SBF2: variants seen among roughly 807,000 people sequenced by gnomAD.
The protein encoded by SBF2 is myotubularin-related protein 13.
A neutral mutation model predicts 225.2 loss-of-function variants in SBF2; 112 were observed. The ratio of observed to expected loss-of-function variants is 0.50; its 90% CI spans 0.43 to 0.58. The LOEUF (loss-of-function observed/expected upper bound fraction) is 0.58, where lower values mean the gene tolerates loss of function less well. Ranked by LOEUF, SBF2 falls within the 20% of genes least tolerant of loss-of-function variation. SBF2 has a pLI of 0.00. For missense variants in SBF2, 1,996 were observed against 2,206.2 expected, an observed-to-expected ratio of 0.90 and a Z score of 1.91; for synonymous variants, 763 against 773.3, an observed-to-expected ratio of 0.99 and a Z score of 0.22.
intron 2 of SBF2, among the ~76,000 whole-genome samples, chr11:10,073,686 C>A (rs1478608976): frequency 6.6e-6 from 1 of 152,114 alleles, no homozygotes; most frequent in Non-Finnish European, 1.5e-5. Context: ...GATCGCACTA[C>A]TGCACTCTAG....
At chr11:9,834,919 C>T (rs1855640027) in intron 26 of SBF2, among the ~76,000 whole-genome samples, 1 of 152,202 alleles carries the variant, frequency 6.6e-6, no homozygotes, top group Non-Finnish European at 1.5e-5. Flanking sequence ...TACACACAGA[C>T]CATCCTCTGT....
chr11:10,226,113 T>C, intron 1 of SBF2, among the ~76,000 whole-genome samples: 1 of 152,168 alleles, frequency 6.6e-6, no homozygotes, highest in East Asian at 1.9e-4. Flanking sequence ...AAATAAATTA[T>C]GGCATATTCA....
intron 1 of SBF2, among the ~76,000 whole-genome samples, chr11:10,217,406 C>G (rs967773936): frequency 1.3e-5 from 2 of 151,828 alleles, no homozygotes; most frequent in East Asian, 3.9e-4. Flanking sequence ...ATTTTGTTTA[C>G]AAAAAACAAA....
chr11:10,290,255 C>T (rs769415498), intron 1 of SBF2, among the ~76,000 whole-genome samples: 1 of 151,900 alleles, frequency 6.6e-6, no homozygotes, highest in Non-Finnish European at 1.5e-5. Context: ...ACCAAGAGAG[C>T]TAGGGAAGGA....
intron 2 of SBF2, among the ~76,000 whole-genome samples, chr11:10,062,138 T>C (rs1480942501): frequency 2.0e-5 from 3 of 152,210 alleles, no homozygotes; most frequent in East Asian, 1.9e-4. Context: ...GCTAGCCATA[T>C]GCAGAATACT....
At chr11:9,783,776 C>T (rs769811317) in intron 38 of SBF2, among the ~76,000 whole-genome samples, 2 of 152,184 alleles carry the variant, frequency 1.3e-5, no homozygotes, top group East Asian at 1.9e-4. Context: ...CCCCTTCTGC[C>T]GCTTTTGGGG....
intron 6 of SBF2, among the ~76,000 whole-genome samples, chr11:10,004,788 A>G (rs1285741153): frequency 3.9e-5 from 6 of 152,056 alleles, no homozygotes; most frequent in African/African-American, 1.4e-4. Context: ...TTCCTCTCAC[A>G]TGTAAATTGT....
chr11:10,232,252 TCCC>T (rs1423635714), intron 1 of SBF2, among the ~76,000 whole-genome samples: 3 of 152,198 alleles, frequency 2.0e-5, no homozygotes, highest in Non-Finnish European at 2.9e-5. Context: ...CCCTTGTACT[TCCC>T]AGGTGAGGGG....
chr11:10,025,887 C>T (rs545700881), intron 6 of SBF2, among the ~76,000 whole-genome samples: 71 of 152,296 alleles, frequency 4.7e-4, no homozygotes, highest in African/African-American at 1.6e-3. Context: ...AGGCATGAGC[C>T]ACTGTGCCTG....
intron 16 of SBF2, chr11:9,959,500 C>T: frequency 2.4e-6 from 2 of 824,784 alleles, no homozygotes; most frequent in East Asian, 2.4e-5. Flanking sequence ...CTTTCGATTG[C>T]ACTTGAAAAC....
At chr11:10,019,108 G>A (rs1288888229) in intron 6 of SBF2, among the ~76,000 whole-genome samples, 2 of 152,006 alleles carry the variant, frequency 1.3e-5, no homozygotes, top group African/African-American at 4.8e-5. Flanking sequence ...GCTGTGATTT[G>A]TTCATCTTTA....
intron 1 of SBF2, among the ~76,000 whole-genome samples, chr11:10,227,683 A>C (rs1037045319): frequency 1.7e-4 from 26 of 152,056 alleles, no homozygotes; most frequent in Admixed American, 3.9e-4. Context: ...TGGTCTATAT[A>C]TCTGTTTTGG....
intron 17 of SBF2, among the ~76,000 whole-genome samples, chr11:9,886,928 T>C (rs1860370403): frequency 6.6e-6 from 1 of 152,200 alleles, no homozygotes; most frequent in Non-Finnish European, 1.5e-5. Flanking sequence ...ATCTTCTCTG[T>C]AAGCGTGTGT....
chr11:10,252,133 G>A (rs1050555387), intron 1 of SBF2, among the ~76,000 whole-genome samples: 5 of 152,198 alleles, frequency 3.3e-5, no homozygotes, highest in African/African-American at 9.7e-5. Flanking sequence ...GCATAAGGAG[G>A]TACCCTCTAC....
intron 13 of SBF2, 121 bp from the exon 14 acceptor site, chr11:9,968,666 G>A (rs528496551): frequency 3.0e-5 from 24 of 810,624 alleles, no homozygotes; most frequent in East Asian, 1.5e-4. Flanking sequence ...TCATATATAC[G>A]CCATAAAACA....
intron 3 of SBF2, among the ~76,000 whole-genome samples, chr11:10,036,042 C>A (rs2403266): frequency 0.98 from 149,730 of 152,334 alleles, 73,633 homozygotes; most frequent in Middle Eastern, 1. Flanking sequence ...TCGGATTAAG[C>A]AAATGTGGCA....
At chr11:9,987,129 C>A (rs542403465) in intron 13 of SBF2, among the ~76,000 whole-genome samples, 7 of 152,022 alleles carry the variant, frequency 4.6e-5, no homozygotes, top group Admixed American at 3.3e-4. Flanking sequence ...AACATACAAG[C>A]CAATAAATGT....
intron 2 of SBF2, among the ~76,000 whole-genome samples, chr11:10,074,354 T>C (rs1430675140): frequency 3.3e-5 from 5 of 152,224 alleles, no homozygotes; most frequent in East Asian, 3.8e-4. Context: ...ATGTTGAACA[T>C]GTTTGAATCA....
chr11:10,228,892 G>C (rs1290494528), intron 1 of SBF2, among the ~76,000 whole-genome samples: 1 of 152,006 alleles, frequency 6.6e-6, no homozygotes, highest in African/African-American at 2.4e-5. Flanking sequence ...AGAAGGAATG[G>C]TACCAGCTCC....
Sources: gnomAD v4.1 joint callset for allele counts (sites outside exome capture counted in the v4.1 genomes callset) on GRCh38, gnomAD v4.1.1 for gene constraint, MANE v1.5 for transcripts, NCBI Gene and HGNC (gene_info 2026-07-23, HGNC 2026-07-21) for gene names.